Variants in GABRG3 observed in about 807,000 individuals in gnomAD.
The protein encoded by GABRG3 is gamma-aminobutyric acid receptor subunit gamma-3.
A neutral mutation model predicts 48.8 loss-of-function variants in GABRG3; 25 were observed. The observed-to-expected ratio is 0.51, with a 90% CI of 0.37 to 0.72. The LOEUF (loss-of-function observed/expected upper bound fraction) is 0.72. Ranked by LOEUF, GABRG3 falls within the 30% of genes least tolerant of loss-of-function variation. The probability of loss-of-function intolerance (pLI) is 0.00; values close to 1 mark genes in which losing one functional copy is unlikely to be tolerated. For missense variants in GABRG3, 394 were observed against 577.9 expected, an observed-to-expected ratio of 0.68 and a Z score of 3.26; for synonymous variants, 227 against 217.6, an observed-to-expected ratio of 1.04 and a Z score of -0.38.
rs186303626 is a variant in GABRG3, at chr15:27,375,251, T to C, written c.574+46363T>C. Among the ~76,000 whole-genome samples, 561 of 152,290 alleles carry C rather than the reference T, an allele frequency of 3.7e-3. 6 individuals carry two copies. The highest frequency in any genetic ancestry group is 0.013 in the African/African-American group (525 of 41,578). ...GGGACAAGAAATGATTGATTGTTTT[T>C]CTTCTCTGTGGGGCCTGGCCTTTAG... is the stretch of plus-strand genomic sequence containing the variant. On this transcript the variant is annotated intron_variant, in intron 5 of 9. Transcript: ENST00000615808.
intron 5 of GABRG3, among the ~76,000 whole-genome samples, chr15:27,374,173 C>A: frequency 7.1e-6 from 1 of 140,452 alleles, no homozygotes; most frequent in African/African-American, 2.8e-5. Context: ...AGTGTGTCAC[C>A]CAGACTGGTG....
chr15:27,238,536 TA>T (rs1430095398), intron 3 of GABRG3, among the ~76,000 whole-genome samples: 1 of 152,242 alleles, frequency 6.6e-6, no homozygotes. Flanking sequence ...CCTCCTTCTC[TA>T]TTCTGTAACA....
At chr15:27,061,502 C>CA (rs1390641804) in intron 3 of GABRG3, among the ~76,000 whole-genome samples, 2 of 148,056 alleles carry the variant, frequency 1.4e-5, no homozygotes, top group African/African-American at 2.5e-5. Context: ...CACTAGAAAA[C>CA]AAACTGTTCA....
chr15:27,504,324 A>G (rs1418162777), intron 6 of GABRG3, among the ~76,000 whole-genome samples: 1 of 151,948 alleles, frequency 6.6e-6, no homozygotes, highest in Non-Finnish European at 1.5e-5. Context: ...TTGATTGAAC[A>G]TATTTTATGA....
At chr15:27,163,945 T>G (rs1318455972) in intron 3 of GABRG3, among the ~76,000 whole-genome samples, 1 of 152,184 alleles carries the variant, frequency 6.6e-6, no homozygotes, top group African/African-American at 2.4e-5. Flanking sequence ...GTCGCTCAGC[T>G]GCACCTTAGG....
At chr15:27,496,111 T>G (rs1027333047) in intron 6 of GABRG3, among the ~76,000 whole-genome samples, 12 of 152,190 alleles carry the variant, frequency 7.9e-5, no homozygotes, top group African/African-American at 2.7e-4. Flanking sequence ...ACTAGGCCTC[T>G]GCTGATGCCA....
chr15:27,297,093 T>A (rs1186708182), intron 3 of GABRG3, among the ~76,000 whole-genome samples: 1 of 152,080 alleles, frequency 6.6e-6, no homozygotes, highest in East Asian at 1.9e-4. Flanking sequence ...AAAAAAGATT[T>A]AAAAATTTTA....
chr15:27,298,663 ATT>A (rs60147984), intron 3 of GABRG3, among the ~76,000 whole-genome samples: 5 of 150,056 alleles, frequency 3.3e-5, no homozygotes, highest in African/African-American at 1.2e-4. Context: ...TTTAAGTTTA[ATT>A]TTTTTTTTAT....
At chr15:27,100,060 CA>C (rs1301789751) in intron 3 of GABRG3, among the ~76,000 whole-genome samples, 3 of 151,334 alleles carry the variant, frequency 2.0e-5, no homozygotes, top group Admixed American at 6.6e-5. Flanking sequence ...ACTAAAAATA[CA>C]AAAAAAATTA....
chr15:27,367,996 C>T (rs1419696110), intron 5 of GABRG3, among the ~76,000 whole-genome samples: 1 of 152,164 alleles, frequency 6.6e-6, no homozygotes, highest in Non-Finnish European at 1.5e-5. Flanking sequence ...TTCTTATCTC[C>T]CCTTCATCTC....
At chr15:27,360,478 A>G (rs560523235) in intron 5 of GABRG3, among the ~76,000 whole-genome samples, 32 of 152,326 alleles carry the variant, frequency 2.1e-4, no homozygotes, top group African/African-American at 7.7e-4. Context: ...GCTTGCTTTA[A>G]TGAGACTGCA....
chr15:27,445,970 T>C (rs1382392099), intron 5 of GABRG3, among the ~76,000 whole-genome samples: 5 of 152,202 alleles, frequency 3.3e-5, no homozygotes, highest in African/African-American at 1.2e-4. Context: ...AGAGGATTTA[T>C]TTGTGAACTC....
At chr15:27,296,514 AAT>A (rs1206693015) in intron 3 of GABRG3, among the ~76,000 whole-genome samples, 4 of 152,190 alleles carry the variant, frequency 2.6e-5, no homozygotes, top group Non-Finnish European at 5.9e-5. Flanking sequence ...TATACGTATA[AAT>A]AGTCATGTGC....
intron 3 of GABRG3, among the ~76,000 whole-genome samples, chr15:27,089,570 C>T (rs1480600778): frequency 6.6e-6 from 1 of 152,120 alleles, no homozygotes; most frequent in Admixed American, 6.5e-5. Flanking sequence ...CAGGACTCTA[C>T]CGTGTGTGAC....
intron 5 of GABRG3, among the ~76,000 whole-genome samples, chr15:27,422,023 G>A (rs533295010): frequency 3.0e-5 from 4 of 133,756 alleles, no homozygotes; most frequent in East Asian, 4.7e-4. Flanking sequence ...AATGGGCTGA[G>A]TATCCACCAA....
chr15:27,166,638 A>C (rs1160110948), intron 3 of GABRG3, among the ~76,000 whole-genome samples: 1 of 152,128 alleles, frequency 6.6e-6, no homozygotes, highest in African/African-American at 2.4e-5. Flanking sequence ...AGCCACACCT[A>C]TGATGTTCCA....
intron 2 of GABRG3, among the ~76,000 whole-genome samples, chr15:26,984,878 A>C (rs7167355): frequency 6.6e-6 from 1 of 151,928 alleles, no homozygotes; most frequent in Non-Finnish European, 1.5e-5. Flanking sequence ...GGCTTTTAAA[A>C]GTGAATAGAC....
chr15:27,039,143 G>C (rs371620350), intron 3 of GABRG3, among the ~76,000 whole-genome samples: 1 of 152,224 alleles, frequency 6.6e-6, no homozygotes, highest in Non-Finnish European at 1.5e-5. Flanking sequence ...TCTGCGGGCA[G>C]TTCTGGCCAA....
intron 3 of GABRG3, among the ~76,000 whole-genome samples, chr15:27,216,471 G>A (rs1236724023): frequency 2.0e-5 from 3 of 152,314 alleles, no homozygotes; most frequent in Middle Eastern, 3.4e-3. Context: ...AGGCAGGACC[G>A]TTGCCCTGGG....
Sources: allele counts gnomAD v4.1 joint callset (sites outside exome capture counted in the v4.1 genomes callset), GRCh38; gene constraint gnomAD v4.1.1; transcripts MANE v1.5; gene names NCBI Gene and HGNC (gene_info 2026-07-23, HGNC 2026-07-21).